PTK2B: variants seen among roughly 807,000 people sequenced by gnomAD.
PTK2B encodes protein tyrosine kinase 2 beta, also known as protein-tyrosine kinase 2-beta.
Under a neutral mutation model 142.9 loss-of-function variants are expected in PTK2B, and 71 were observed. The ratio of observed to expected loss-of-function variants is 0.50; its 90% CI spans 0.41 to 0.61. PTK2B has a LOEUF of 0.61. Among genes scored for constraint, PTK2B ranks in the 20% least tolerant of loss-of-function variants. The pLI is 0.00. For synonymous variants in PTK2B, 519 were observed against 503.4 expected (o/e 1.03, Z -0.42); for missense variants, 1,105 against 1,320.4 (o/e 0.84, Z 2.53).
At position 27,433,494 on chromosome 8, in the gene PTK2B, C is replaced by G. The variant is rs372119534; in HGVS notation, c.1047C>G (p.Asp349Glu). ...AEAENMADLIDGYCRLQGEHQ... is the reference protein window; with the variant it reads ...AEAENMADLIEGYCRLQGEHQ... ...CTGAGAACATGGCTGACCTCATAGA[C>G]GGCTACTGCCGGCTGCAGGGTGAGC... The change falls in exon 11 of 31, where the codon GAC becomes GAG. Residue 349 changes from aspartate to glutamate, a missense_variant. Transcript: ENST00000346049. The G allele has an allele frequency of 6.2e-7, 1 of 1,614,242 alleles. No individual in the cohort carries two copies.
At chr8:27,393,539 A>G (rs149316611) in intron 1 of PTK2B, among the ~76,000 whole-genome samples, 9 of 152,240 alleles carry the variant, frequency 5.9e-5, no homozygotes, top group Admixed American at 3.3e-4. Flanking sequence ...TCTGATGTAC[A>G]GTGTGAATCT....
chr8:27,431,257 C>T (rs1810400020), intron 8 of PTK2B, 141 bp from the exon 9 acceptor site: 2 of 1,533,380 alleles, frequency 1.3e-6, no homozygotes, highest in South Asian at 1.3e-5. Context: ...GGGGAAGATC[C>T]ATATGGCCAG....
chr8:27,420,785 C>T lies in PTK2B; in HGVS notation c.471+41C>T, dbSNP rs111440022. 1.3e-3 allele frequency: 1,950 copies of T among 1,525,504 alleles called. 15 individuals carry two copies. The African/African-American group carries it at 0.013, about 11-fold the overall frequency. The allele number at this position is 1,525,504 out of a possible 1,614,324, so 94.5% of individuals were successfully genotyped here. On this transcript the variant is annotated intron_variant, in intron 4 of 30. Transcript: ENST00000346049. Reference sequence around the variant, plus strand: ...TCTTCTTGCCCCGAGGCTCCCATTACACCTCAAATGCCAAGCATGAACCGT... The same window carrying T: ...TCTTCTTGCCCCGAGGCTCCCATTATACCTCAAATGCCAAGCATGAACCGT...
Position 27,440,328 on chromosome 8 carries a change from C to T in PTK2B, c.1926C>T (p.Asp642=). The change falls in exon 21 of 31, where the codon GAC becomes GAT. Residue 642 remains aspartate (D), a synonymous_variant. Transcript: ENST00000346049. ...TCATCGGGGTGCTGGAGAAAGGAGACCGGCTGCCCAAGCCTGATCTCTGTC... is the reference window on the plus strand; with the variant it reads ...TCATCGGGGTGCTGGAGAAAGGAGATCGGCTGCCCAAGCCTGATCTCTGTC... ...KDVIGVLEKG[D]RLPKPDLCPP... 1 of 1,614,164 alleles carries T rather than the reference C, an allele frequency of 6.2e-7. No individual in the cohort carries two copies. Among genetic ancestry groups the T allele is most frequent in the Non-Finnish European group, 8.5e-7 (1 of 1,180,020 alleles).
rs1246045425 is a variant in PTK2B, at chr8:27,431,030, C to G, written c.810+14C>G. On this transcript the variant is annotated intron_variant, in intron 8 of 30. Transcript: ENST00000346049. ...TGTGAACTCATTGTAATGGCGGGCT[C>G]TCTTGATCCTCTCCCTGACCTGGAT... The G allele has an allele frequency of 6.2e-7, 1 of 1,606,076 alleles. No homozygotes were observed. The highest frequency in any genetic ancestry group is 8.5e-7 in the Non-Finnish European group (1 of 1,174,846).
At chr8:27,420,632 C>A in intron 3 of PTK2B, 25 bp from the exon 4 acceptor site, 2 of 1,604,058 alleles carry the variant, frequency 1.2e-6, no homozygotes, top group South Asian at 1.1e-5. Flanking sequence ...TCTGTGTCAA[C>A]CAGAGCCTGA....
chr8:27,393,074 A>G (rs758142343), intron 1 of PTK2B, among the ~76,000 whole-genome samples: 1 of 152,104 alleles, frequency 6.6e-6, no homozygotes, highest in Non-Finnish European at 1.5e-5. Context: ...AGTGGGAGAA[A>G]CTGTGGGTTT....
chr8:27,311,504 C>G (rs1455443571), exon 1 of PTK2B: 5 of 526,230 alleles, frequency 9.5e-6, no homozygotes, highest in African/African-American at 2.0e-5. Context: ...TCCTCAGGTC[C>G]GGGCGGGTCC....
intron 21 of PTK2B, among the ~76,000 whole-genome samples, chr8:27,441,521 C>T (rs1311354364): frequency 6.6e-6 from 1 of 152,036 alleles, no homozygotes; most frequent in African/African-American, 2.4e-5. Flanking sequence ...GTAAACAGTC[C>T]CTGAAAACTG....
intron 2 of PTK2B, among the ~76,000 whole-genome samples, chr8:27,407,300 A>C (rs1332140379): frequency 6.6e-6 from 1 of 152,146 alleles, no homozygotes; most frequent in African/African-American, 2.4e-5. Flanking sequence ...AAAACCCTTC[A>C]TGATTCTCTT....
chr8:27,387,317 GAT>G (rs781498452), intron 1 of PTK2B, among the ~76,000 whole-genome samples: 4 of 152,174 alleles, frequency 2.6e-5, no homozygotes, highest in Non-Finnish European at 5.9e-5. Context: ...TGCCTTGGGA[GAT>G]ATCAGTGAGG....
At position 27,458,957 on chromosome 8, in the gene PTK2B, G is replaced by T. The variant is rs984915327; in HGVS notation, c.*448G>T. The stretch of plus-strand genomic sequence containing the variant: ...AGCTGGGGAGGAGCTTTGTTTTGGG[G>T]GTCAGGCAGCCAGTGAGATGAGGGA... On this transcript the variant is annotated 3_prime_UTR_variant, in exon 31 of 31. Coordinates refer to ENST00000346049, the MANE Select transcript of PTK2B (RefSeq NM_173176.3). The T allele has an allele frequency of 3.1e-6, 1 of 318,710 alleles. No individual in the cohort carries two copies. Among genetic ancestry groups the T allele is most frequent in the Non-Finnish European group, 5.9e-6 (1 of 169,108 alleles). 19.7% of individuals were successfully genotyped at this position (318,710 alleles called of 1,614,324 possible).
chr8:27,397,680 T>C lies in PTK2B; in HGVS notation c.96T>C (p.Asp32=). 3 of 1,614,232 alleles carry C rather than the reference T, an allele frequency of 1.9e-6. No homozygotes were observed. The highest frequency in any genetic ancestry group is 2.5e-6 in the Non-Finnish European group (3 of 1,180,032). ...PAEPMVVVPV[D]VEKEDVRILK... is the part of the protein sequence containing the mutation. ...AGCCCATGGTGGTGGTACCAGTAGA[T>C]GTGGAAAAGGAGGACGTGCGTATCC... Residue 32 remains aspartate (D), a synonymous_variant, in exon 2 of 31, where the codon GAT becomes GAC. Coordinates refer to ENST00000346049, the MANE Select transcript of PTK2B (RefSeq NM_173176.3).
chr8:27,348,325 C>G (rs1563208271), intron 1 of PTK2B, among the ~76,000 whole-genome samples: 1 of 152,106 alleles, frequency 6.6e-6, no homozygotes, highest in African/African-American at 2.4e-5. Flanking sequence ...TGGTCTCTGC[C>G]CTGTTTCCTC....
intron 1 of PTK2B, among the ~76,000 whole-genome samples, chr8:27,332,864 C>T (rs187878301): frequency 1.3e-5 from 2 of 152,230 alleles, no homozygotes; most frequent in African/African-American, 4.8e-5. Context: ...CAGGCATGAA[C>T]CACCACTTCT....
At chr8:27,408,500 A>C (rs1808861124) in intron 2 of PTK2B, among the ~76,000 whole-genome samples, 1 of 152,220 alleles carries the variant, frequency 6.6e-6, no homozygotes, top group Non-Finnish European at 1.5e-5. Flanking sequence ...ATAAAAATGG[A>C]CAATTTCTCC....
chr8:27,451,980 C>CAGCA (rs1261954763), intron 27 of PTK2B: 1 of 176,296 alleles, frequency 5.7e-6, no homozygotes, highest in African/African-American at 2.4e-5. Context: ...AGGGAAGAGC[C>CAGCA]AGCAGTAAGC....
chr8:27,432,220 G>A (rs945059735), intron 9 of PTK2B, 40 bp from the exon 10 acceptor site: 4 of 1,591,120 alleles, frequency 2.5e-6, no homozygotes, highest in Admixed American at 1.7e-5. Context: ...CCTAGTCCTG[G>A]TAGTGGGATG....
intron 4 of PTK2B, 84 bp downstream of exon 4, chr8:27,420,828 G>C: frequency 1.6e-6 from 2 of 1,287,908 alleles, no homozygotes; most frequent in Non-Finnish European, 2.2e-6. Context: ...TAGGGAGATG[G>C]AAAGACAAAG....
Sources: allele counts gnomAD v4.1 joint callset (sites outside exome capture counted in the v4.1 genomes callset), GRCh38; gene constraint gnomAD v4.1.1; transcripts MANE v1.5; gene names NCBI Gene and HGNC (gene_info 2026-07-23, HGNC 2026-07-21).